Variants in KCNJ3 observed in about 807,000 individuals in gnomAD.
KCNJ3 encodes G protein-activated inward rectifier potassium channel 1.
KCNJ3 carries 4 observed loss-of-function variants against 39.2 expected under a neutral mutation model. The observed-to-expected ratio is 0.10, with a 90% CI of 0.05 to 0.23. The LOEUF (loss-of-function observed/expected upper bound fraction) is 0.23. Ranked by LOEUF, KCNJ3 falls within the 10% of genes least tolerant of loss-of-function variation. KCNJ3 has a pLI of 1.00. For synonymous variants in KCNJ3, 230 were observed against 237.4 expected (o/e 0.97, Z 0.29); for missense variants, 276 against 634.9 (o/e 0.43, Z 6.08).
chr2:154,835,991 AC>A (rs902219341), intron 2 of KCNJ3, among the ~76,000 whole-genome samples: 5 of 152,072 alleles, frequency 3.3e-5, no homozygotes, highest in African/African-American at 1.2e-4. Flanking sequence ...CAGGTTGGTC[AC>A]CTGAGGTTAG....
intron 2 of KCNJ3, among the ~76,000 whole-genome samples, chr2:154,849,292 TAACTG>T (rs1238607985): frequency 6.6e-6 from 1 of 152,208 alleles, no homozygotes; most frequent in African/African-American, 2.4e-5. Context: ...CTACATGACT[TAACTG>T]AAAGGGATTT....
chr2:154,787,512 G>T (rs993518233), intron 2 of KCNJ3, among the ~76,000 whole-genome samples: 1 of 152,098 alleles, frequency 6.6e-6, no homozygotes, highest in Non-Finnish European at 1.5e-5. Flanking sequence ...CAGGACATCA[G>T]GAGCAAAGGG....
intron 2 of KCNJ3, among the ~76,000 whole-genome samples, chr2:154,717,905 T>C (rs1007352762): frequency 1.8e-4 from 27 of 152,226 alleles, no homozygotes; most frequent in African/African-American, 5.8e-4. Flanking sequence ...AGTGAGGTAG[T>C]ACTCTACTGA....
intron 2 of KCNJ3, among the ~76,000 whole-genome samples, chr2:154,841,126 G>A (rs897656399): frequency 1.3e-5 from 2 of 152,116 alleles, no homozygotes; most frequent in Non-Finnish European, 2.9e-5. Flanking sequence ...CTAGTTTATT[G>A]AGAGTTTTTA....
At chr2:154,776,983 A>G (rs1439168652) in intron 2 of KCNJ3, among the ~76,000 whole-genome samples, 3 of 152,146 alleles carry the variant, frequency 2.0e-5, no homozygotes, top group African/African-American at 7.2e-5. Flanking sequence ...TAATGTTCCA[A>G]GGAAATCTTG....
chr2:154,720,518 ATTTTAC>A (rs1426395610), intron 2 of KCNJ3, among the ~76,000 whole-genome samples: 1 of 151,876 alleles, frequency 6.6e-6, no homozygotes, highest in African/African-American at 2.4e-5. Flanking sequence ...CCTCAATTTT[ATTTTAC>A]TTTATTTTCA....
chr2:154,831,085 T>C (rs1459478100), intron 2 of KCNJ3, among the ~76,000 whole-genome samples: 2 of 152,150 alleles, frequency 1.3e-5, no homozygotes, highest in African/African-American at 2.4e-5. Flanking sequence ...AGCTTCTCAA[T>C]TGGTTTACTT....
chr2:154,796,196 G>C (rs1686718079), intron 2 of KCNJ3, among the ~76,000 whole-genome samples: 1 of 152,106 alleles, frequency 6.6e-6, no homozygotes, highest in Non-Finnish European at 1.5e-5. Context: ...TATTGCTGAG[G>C]TACAGTGTCT....
intron 2 of KCNJ3, among the ~76,000 whole-genome samples, chr2:154,787,904 T>G (rs1187951303): frequency 6.6e-6 from 1 of 152,216 alleles, no homozygotes; most frequent in East Asian, 1.9e-4. Context: ...TTTATGACAA[T>G]TATTTAACCA....
chr2:154,727,930 A>G (rs1685388294), intron 2 of KCNJ3, among the ~76,000 whole-genome samples: 1 of 150,256 alleles, frequency 6.7e-6, no homozygotes, highest in Non-Finnish European at 1.5e-5. Context: ...ATAATTTATA[A>G]TATATATTTA....
chr2:154,709,770 T>G lies in KCNJ3; in HGVS notation c.870T>G (p.Thr290=). The part of the protein sequence containing the change: ...FYDLSQRSMQ[T]EQFEIVVILE... Reference sequence around the variant, plus strand: ...ACCTATCCCAGCGAAGCATGCAAACTGAACAGTTCGAGATTGTCGTCATCC... The same window carrying G: ...ACCTATCCCAGCGAAGCATGCAAACGGAACAGTTCGAGATTGTCGTCATCC... Residue 290 remains threonine (T), a synonymous_variant, in exon 2 of 3, where the codon ACT becomes ACG. Coordinates refer to ENST00000295101, the MANE Select transcript of KCNJ3 (RefSeq NM_002239.4). The G allele has an allele frequency of 1.2e-6, 2 of 1,613,916 alleles. No homozygotes were observed. Among genetic ancestry groups the G allele is most frequent in the Middle Eastern group, 1.6e-4 (1 of 6,062 alleles).
intron 1 of KCNJ3, among the ~76,000 whole-genome samples, chr2:154,709,069 T>C (rs571337965): frequency 1.4e-4 from 22 of 152,374 alleles, no homozygotes; most frequent in African/African-American, 5.0e-4. Context: ...ACATCTTCAC[T>C]CTTCTATTCC....
intron 2 of KCNJ3, among the ~76,000 whole-genome samples, chr2:154,789,005 G>T (rs1300268408): frequency 1.3e-5 from 2 of 152,026 alleles, no homozygotes; most frequent in African/African-American, 2.4e-5. Flanking sequence ...TAGTTTTGAA[G>T]TTTGAGAAAC....
In KCNJ3 at chr2:154,709,201, A is replaced by G. The variant is rs182338464; in HGVS notation, c.703-402A>G. ...ATCTTTGTCAGCTTTAACACACTCCATAAGAATTGCCTACTTATTTATTTG... is the reference window on the plus strand; with the variant it reads ...ATCTTTGTCAGCTTTAACACACTCCGTAAGAATTGCCTACTTATTTATTTG... On this transcript the variant is annotated intron_variant, in intron 1 of 2. Transcript: ENST00000295101. The G allele has an allele frequency of 1.8e-4, 36 of 199,824 alleles. No individual in the cohort carries two copies. In the East Asian group the frequency reaches 4.3e-3, roughly 24 times the overall value. 12.4% of individuals were successfully genotyped at this position (199,824 alleles called of 1,614,324 possible). A position where few individuals can be genotyped will look rare whatever the true frequency, so the allele number is the denominator to read the frequency against.
chr2:154,833,729 G>A (rs1479951349), intron 2 of KCNJ3, among the ~76,000 whole-genome samples: 1 of 152,036 alleles, frequency 6.6e-6, no homozygotes, highest in Non-Finnish European at 1.5e-5. Context: ...GGCAATCACT[G>A]ATCTTTCTAC....
At chr2:154,742,692 A>G (rs1011188333) in intron 2 of KCNJ3, among the ~76,000 whole-genome samples, 9 of 151,756 alleles carry the variant, frequency 5.9e-5, no homozygotes, top group Non-Finnish European at 8.8e-5. Context: ...TGTCTATTCA[A>G]GTTCTTTGCT....
chr2:154,852,974 T>A (rs1291304912), intron 2 of KCNJ3, among the ~76,000 whole-genome samples: 8 of 151,078 alleles, frequency 5.3e-5, no homozygotes, highest in African/African-American at 1.5e-4. Context: ...AACAACAATT[T>A]AAAAAAAAAC....
chr2:154,777,505 C>T (rs1686358820), intron 2 of KCNJ3, among the ~76,000 whole-genome samples: 1 of 152,094 alleles, frequency 6.6e-6, no homozygotes, highest in Non-Finnish European at 1.5e-5. Flanking sequence ...TTTTATTTAT[C>T]TTTTGTTTCC....
chr2:154,805,122 C>T lies in KCNJ3; in HGVS notation c.920-49605C>T, dbSNP rs553186722. On this transcript the variant is annotated intron_variant, in intron 2 of 2. Coordinates refer to ENST00000295101, the MANE Select transcript of KCNJ3 (RefSeq NM_002239.4). Reference sequence around the variant, plus strand: ...AATATGGTGTGGAATTGAAAAGTTGCAATCTATAAGTTTGTGTTCAAAAGA... The same window carrying T: ...AATATGGTGTGGAATTGAAAAGTTGTAATCTATAAGTTTGTGTTCAAAAGA... Among the ~76,000 whole-genome samples the T allele has an allele frequency of 2.1e-4, 32 of 152,026 alleles. 1 individual carries two copies. Among genetic ancestry groups the T allele is most frequent in the Non-Finnish European group, 4.0e-4 (27 of 67,990 alleles).
Sources: allele counts gnomAD v4.1 joint callset (sites outside exome capture counted in the v4.1 genomes callset), GRCh38; gene constraint gnomAD v4.1.1; transcripts MANE v1.5; gene names NCBI Gene and HGNC (gene_info 2026-07-23, HGNC 2026-07-21).